The following ZFAND6 variants were observed in gnomAD, a reference collection of about 807,000 sequenced individuals.
The protein encoded by ZFAND6 is AN1-type zinc finger protein 6.
ZFAND6 carries 12 observed loss-of-function variants against 24.5 expected under a neutral mutation model. The observed-to-expected ratio is 0.49, with a 90% confidence interval of 0.31 to 0.79. The LOEUF (loss-of-function observed/expected upper bound fraction) is 0.79, where lower values mean the gene tolerates loss of function less well. ZFAND6 is among the 30% of genes least tolerant of loss of function. The pLI, the probability that ZFAND6 is intolerant of heterozygous loss-of-function variation, is 0.04. For synonymous variants in ZFAND6, 92 were observed against 81.5 expected (o/e 1.13, Z -0.69); for missense variants, 207 against 245.9 (o/e 0.84, Z 1.06).
At chr15:80,103,060 C>T (rs1234980551) in intron 2 of ZFAND6, among the ~76,000 whole-genome samples, 1 of 152,204 alleles carries the variant, frequency 6.6e-6, no homozygotes, top group African/African-American at 2.4e-5. Flanking sequence ...CAGGTCTAAT[C>T]ACCTTGTCTG....
intron 2 of ZFAND6, among the ~76,000 whole-genome samples, chr15:80,100,612 T>C (rs896142261): frequency 6.6e-6 from 1 of 152,242 alleles, no homozygotes; most frequent in African/African-American, 2.4e-5. Context: ...ATAAAACTCA[T>C]CTACTTTATT....
chr15:80,115,388 C>T lies in ZFAND6; in HGVS notation c.-17-4940C>T, dbSNP rs193253552. Among the ~76,000 whole-genome samples, 594 of 152,256 alleles carry T rather than the reference C, an allele frequency of 3.9e-3. 4 individuals carry two copies. The highest frequency in any genetic ancestry group is 0.01 in the Middle Eastern group (3 of 294). Reference sequence around the variant, plus strand: ...AAGTATCTGGTAGAGTGATCTTACTCTCTGTCTCTGGATTTGTGGTTTTAT... The same window carrying T: ...AAGTATCTGGTAGAGTGATCTTACTTTCTGTCTCTGGATTTGTGGTTTTAT... On this transcript the variant is annotated intron_variant, in intron 2 of 6. Transcript: ENST00000261749.
At chr15:80,073,087 T>C (rs1407715488) in intron 1 of ZFAND6, among the ~76,000 whole-genome samples, 5 of 151,964 alleles carry the variant, frequency 3.3e-5, no homozygotes, top group African/African-American at 4.8e-5. Flanking sequence ...GCCAACTGTT[T>C]AATTTTTTTA....
intron 1 of ZFAND6, among the ~76,000 whole-genome samples, chr15:80,073,995 G>A (rs1376344162): frequency 6.6e-6 from 1 of 151,832 alleles, no homozygotes; most frequent in Non-Finnish European, 1.5e-5. Flanking sequence ...CTAGATCAAA[G>A]GATAATGAAC....
intron 6 of ZFAND6, among the ~76,000 whole-genome samples, chr15:80,135,933 G>A (rs1277168643): frequency 6.6e-6 from 1 of 152,152 alleles, no homozygotes; most frequent in Non-Finnish European, 1.5e-5. Flanking sequence ...AGACCAACCT[G>A]GACTACATAG....
chr15:80,107,088 G>A (rs993783823), intron 2 of ZFAND6, among the ~76,000 whole-genome samples: 2 of 152,220 alleles, frequency 1.3e-5, no homozygotes, highest in East Asian at 1.9e-4. Context: ...GGTGGCGGAC[G>A]CCAGTAATCT....
At chr15:80,098,824 T>C (rs1299812706) in intron 2 of ZFAND6, among the ~76,000 whole-genome samples, 1 of 152,114 alleles carries the variant, frequency 6.6e-6, no homozygotes, top group Non-Finnish European at 1.5e-5. Context: ...AGAATTATTA[T>C]AAGCATTGGA....
intron 1 of ZFAND6, among the ~76,000 whole-genome samples, chr15:80,091,390 T>C (rs2038361701): frequency 6.6e-6 from 1 of 152,200 alleles, no homozygotes; most frequent in East Asian, 1.9e-4. Flanking sequence ...CTTCTAATCA[T>C]TTTGGTAGTT....
intron 2 of ZFAND6, among the ~76,000 whole-genome samples, chr15:80,110,381 C>T (rs1349698488): frequency 1.3e-5 from 2 of 152,140 alleles, no homozygotes; most frequent in Non-Finnish European, 2.9e-5. Context: ...TGCAAGACCT[C>T]ATCACAGAAC....
Position 80,068,135 on chromosome 15 carries a change from T to G in ZFAND6, c.-181+8326T>G, listed in dbSNP as rs142894902. Among the ~76,000 whole-genome samples the G allele has an allele frequency of 3.8e-3, 558 of 148,584 alleles. 4 individuals carry two copies. The highest frequency in any genetic ancestry group is 0.012 in the African/African-American group (478 of 40,480). ...CACCACCGCGCCTGGCCTGTTTTTT[T>G]TTTTTTTGTTTGTTTGTTTGTTTGT... On this transcript the variant is annotated intron_variant, in intron 1 of 6. Transcript: ENST00000261749.
chr15:80,070,412 A>T (rs1420026214), intron 1 of ZFAND6, among the ~76,000 whole-genome samples: 1 of 152,150 alleles, frequency 6.6e-6, no homozygotes, highest in Non-Finnish European at 1.5e-5. Context: ...TATTGTTTTC[A>T]TATTATCTCG....
At chr15:80,110,390 A>G (rs1365406561) in intron 2 of ZFAND6, among the ~76,000 whole-genome samples, 1 of 152,224 alleles carries the variant, frequency 6.6e-6, no homozygotes, top group Non-Finnish European at 1.5e-5. Flanking sequence ...TCATCACAGA[A>G]CACTATAAAA....
chr15:80,119,634 A>G (rs1477966275), intron 2 of ZFAND6, among the ~76,000 whole-genome samples: 5 of 152,090 alleles, frequency 3.3e-5, no homozygotes, highest in Non-Finnish European at 5.9e-5. Flanking sequence ...TATAAAAATT[A>G]TAAATAACGC....
chr15:80,093,040 T>A (rs2141906771), intron 1 of ZFAND6, among the ~76,000 whole-genome samples: 1 of 151,946 alleles, frequency 6.6e-6, no homozygotes, highest in Admixed American at 6.6e-5. Flanking sequence ...CTGCAACCTC[T>A]GCCTCCTCGG....
At chr15:80,124,594 T>A (rs2040294760) in intron 5 of ZFAND6, among the ~76,000 whole-genome samples, 1 of 152,248 alleles carries the variant, frequency 6.6e-6, no homozygotes, top group Non-Finnish European at 1.5e-5. Context: ...AAAAGTGTTT[T>A]TATTTCCATT....
chr15:80,106,316 A>G (rs1217399897), intron 2 of ZFAND6, among the ~76,000 whole-genome samples: 2 of 152,216 alleles, frequency 1.3e-5, no homozygotes, highest in African/African-American at 2.4e-5. Flanking sequence ...TTGGCCAACT[A>G]TGACCCACTC....
intron 1 of ZFAND6, among the ~76,000 whole-genome samples, chr15:80,086,479 A>G (rs1355961958): frequency 6.6e-6 from 1 of 152,252 alleles, no homozygotes; most frequent in Admixed American, 6.5e-5. Flanking sequence ...CACCCAAAAT[A>G]TTCCTTGAAC....
chr15:80,106,876 A>C (rs1480720813), intron 2 of ZFAND6, among the ~76,000 whole-genome samples: 1 of 152,192 alleles, frequency 6.6e-6, no homozygotes, highest in East Asian at 1.9e-4. Flanking sequence ...ATCTCAAAAT[A>C]GGTGAAAGAG....
intron 6 of ZFAND6, among the ~76,000 whole-genome samples, chr15:80,132,805 C>CT (rs2040668539): frequency 6.6e-6 from 1 of 152,130 alleles, no homozygotes; most frequent in Non-Finnish European, 1.5e-5. Context: ...AGAGAAAAGT[C>CT]TGACATTACA....
Sources: gnomAD v4.1 joint callset for allele counts (sites outside exome capture counted in the v4.1 genomes callset) on GRCh38, gnomAD v4.1.1 for gene constraint, MANE v1.5 for transcripts, NCBI Gene and HGNC (gene_info 2026-07-23, HGNC 2026-07-21) for gene names.